The following SPTBN1 variants were observed in gnomAD, a reference collection of about 807,000 sequenced individuals.
SPTBN1 encodes spectrin beta, non-erythrocytic 1.
A neutral mutation model predicts 266.4 loss-of-function variants in SPTBN1; 32 were observed. The observed-to-expected ratio is 0.12, with a 90% CI of 0.09 to 0.16. The LOEUF (loss-of-function observed/expected upper bound fraction) is 0.16. Among genes scored for constraint, SPTBN1 ranks in the 10% least tolerant of loss-of-function variants. The probability of loss-of-function intolerance (pLI) is 1.00; values close to 1 mark genes in which losing one functional copy is unlikely to be tolerated. For synonymous variants in SPTBN1, 1,336 were observed against 1,162.2 expected, an observed-to-expected ratio of 1.15 and a Z score of -3.04; for missense variants, 2,296 against 3,067.1, an observed-to-expected ratio of 0.75 and a Z score of 5.94.
chr2:54,550,237 G>A (rs551471966), intron 2 of SPTBN1, among the ~76,000 whole-genome samples: 5 of 152,298 alleles, frequency 3.3e-5, no homozygotes, highest in Non-Finnish European at 5.9e-5. Context: ...AGGCCTTGGC[G>A]CTCCTGAGTG....
rs934288172 is a variant in SPTBN1 at position 54,664,138 on chromosome 2, T to C, written c.6421-315T>C. 4.2e-6 allele frequency: 1 copy of C among 238,592 alleles called. No individual in the cohort carries two copies. The highest frequency in any genetic ancestry group is 2.2e-5 in the African/African-American group (1 of 44,644). 14.8% of individuals were successfully genotyped at this position (238,592 alleles called of 1,614,324 possible). A position where few individuals can be genotyped will look rare whatever the true frequency, so the allele number is the denominator to read the frequency against. ...ATTTAATATGTGTGATTGTTACTGT[T>C]GTCTTTTTGTTTTAAAGTAACCATA... On this transcript the variant is annotated intron_variant, in intron 32 of 35. Transcript: ENST00000356805. This position sits in a 1 kb window ranked among gnomAD's most constrained non-coding sequence, Gnocchi z 5.6.
Position 54,649,546 on chromosome 2 carries a change from T to TTTCTTG in SPTBN1, c.5203-69_5203-68insTTCTTG. 1.9e-6 allele frequency: 3 copies of TTTCTTG among 1,556,314 alleles called. No individual in the cohort carries two copies. The highest frequency in any genetic ancestry group is 2.6e-6 in the Non-Finnish European group (3 of 1,148,188). ...TTAGAGGCAGTTTCTTTCCAAAGGGTATTCATGTGATCAAGAAATACAGAG... is the reference window on the plus strand; with the variant it reads ...TTAGAGGCAGTTTCTTTCCAAAGGGTTTCTTGATTCATGTGATCAAGAAATACAGAG... On this transcript the variant is annotated intron_variant, in intron 25 of 35. Transcript: ENST00000356805. The surrounding 1 kb of genome is among the most constrained non-coding windows in gnomAD (Gnocchi z 6.7).
chr2:54,501,453 G>A (rs1258748255), intron 1 of SPTBN1, among the ~76,000 whole-genome samples: 1 of 152,140 alleles, frequency 6.6e-6, no homozygotes, highest in Non-Finnish European at 1.5e-5. Context: ...CCCTTTTAGG[G>A]AACACTACAC....
chr2:54,667,109 C>T (rs78891575), intron 34 of SPTBN1, among the ~76,000 whole-genome samples: 3,443 of 152,296 alleles, frequency 0.023, 134 homozygotes, highest in African/African-American at 0.076. Flanking sequence ...CTCCCAGTGT[C>T]ACACTAATAG....
intron 2 of SPTBN1, among the ~76,000 whole-genome samples, chr2:54,577,156 G>A (rs866431215): frequency 2.1e-4 from 32 of 152,252 alleles, no homozygotes; most frequent in South Asian, 6.2e-4. Flanking sequence ...CACAGGTCCC[G>A]GGAATCAGGT....
At position 54,523,253 on chromosome 2, in the gene SPTBN1, A is replaced by G. The variant is rs78908089; in HGVS notation, c.-47-3119A>G. Among the ~76,000 whole-genome samples, 157 of 152,342 alleles carry G rather than the reference A, an allele frequency of 1.0e-3. 4 individuals carry two copies. In the East Asian group the frequency reaches 0.026, roughly 25 times the overall value. ...GTGTTTTTATGAAATCCCATAAATA[A>G]ATTGCTAACGTAGGTGTGAAAATTA... On this transcript the variant is annotated intron_variant, in intron 1 of 35. Coordinates refer to ENST00000356805, the MANE Select transcript of SPTBN1 (RefSeq NM_003128.3).
chr2:54,667,773 A>G (rs1433112196), intron 35 of SPTBN1, 127 bp downstream of exon 35: 3 of 809,130 alleles, frequency 3.7e-6, no homozygotes, highest in East Asian at 2.6e-5. Flanking sequence ...ACTGGGCTCC[A>G]GTCACCAGCA....
intron 1 of SPTBN1, among the ~76,000 whole-genome samples, chr2:54,480,661 T>G (rs1400579610): frequency 6.6e-6 from 1 of 152,212 alleles, no homozygotes; most frequent in East Asian, 1.9e-4. Context: ...ATCCATGTTG[T>G]CTACCCTCCA....
At chr2:54,487,677 A>G (rs924414886) in intron 1 of SPTBN1, among the ~76,000 whole-genome samples, 4 of 152,236 alleles carry the variant, frequency 2.6e-5, no homozygotes, top group Admixed American at 1.3e-4. Context: ...TAGTGTTACA[A>G]TAAATGAATA....
At chr2:54,607,226 C>G (rs1197407260) in intron 3 of SPTBN1, among the ~76,000 whole-genome samples, 1 of 152,138 alleles carries the variant, frequency 6.6e-6, no homozygotes, top group Admixed American at 6.5e-5. Flanking sequence ...TGAAAAATAA[C>G]AATACAGAAA....
chr2:54,502,047 A>C (rs1333699244), intron 1 of SPTBN1, among the ~76,000 whole-genome samples: 1 of 152,216 alleles, frequency 6.6e-6, no homozygotes, highest in Non-Finnish European at 1.5e-5. Context: ...TCACTCTCCA[A>C]ATGCTAAACT....
chr2:54,547,047 G>A (rs1343364200), intron 2 of SPTBN1, among the ~76,000 whole-genome samples: 1 of 149,016 alleles, frequency 6.7e-6, no homozygotes, highest in African/African-American at 2.5e-5. Context: ...TGTTCATATT[G>A]TTGTGCAGTC....
intron 1 of SPTBN1, among the ~76,000 whole-genome samples, chr2:54,505,851 G>A (rs949313079): frequency 3.9e-5 from 6 of 152,056 alleles, no homozygotes; most frequent in South Asian, 2.1e-4. Context: ...TGGGCCAGGC[G>A]CGGTGGCTCA....
At chr2:54,517,416 TACTC>T (rs919528658) in intron 1 of SPTBN1, among the ~76,000 whole-genome samples, 1 of 150,574 alleles carries the variant, frequency 6.6e-6, no homozygotes, top group African/African-American at 2.5e-5. Context: ...TCTTGTAACA[TACTC>T]AGGGAATGAG....
intron 2 of SPTBN1, among the ~76,000 whole-genome samples, chr2:54,594,679 T>A (rs889462322): frequency 1.3e-5 from 2 of 152,298 alleles, no homozygotes; most frequent in Non-Finnish European, 1.5e-5. Context: ...AACAACCTTC[T>A]GCCACACACA....
At position 54,581,911 on chromosome 2, in the gene SPTBN1, T is replaced by A. The variant is rs902260969; in HGVS notation, c.149-17181T>A. 7.2e-5 allele frequency among the ~76,000 whole-genome samples: 11 copies of A among 152,208 alleles called. No individual in the cohort carries two copies. The East Asian group carries it at 1.9e-3, about 27-fold the overall frequency. On this transcript the variant is annotated intron_variant, in intron 2 of 35. Coordinates refer to ENST00000356805, the MANE Select transcript of SPTBN1 (RefSeq NM_003128.3). ...GGCTCTACTTGCCTCCAAATCCTAC[T>A]GAAGAACTTTGCGAGACAACAGGCA...
intron 2 of SPTBN1, among the ~76,000 whole-genome samples, chr2:54,577,992 C>G (rs1674604912): frequency 1.3e-5 from 2 of 152,186 alleles, no homozygotes; most frequent in South Asian, 4.1e-4. Context: ...ATGTAAAATT[C>G]AAGCCTTGCC....
intron 2 of SPTBN1, among the ~76,000 whole-genome samples, chr2:54,579,639 T>C (rs555261199): frequency 1.6e-3 from 241 of 151,232 alleles, no homozygotes; most frequent in Middle Eastern, 3.4e-3. Flanking sequence ...TGGGAAGATA[T>C]ATTGCTGCAT....
rs949533000 is a variant in SPTBN1 at position 54,456,746 on chromosome 2, A to T, written c.-48+228A>T. Reference sequence around the variant, plus strand: ...GCGGGTGCTCATTGGTACTCGGATGATGCGGGACGAGGGGCGGCAGGCTCT... The same window carrying T: ...GCGGGTGCTCATTGGTACTCGGATGTTGCGGGACGAGGGGCGGCAGGCTCT... On this transcript the variant is annotated intron_variant, in intron 1 of 35. Coordinates refer to ENST00000356805, the MANE Select transcript of SPTBN1 (RefSeq NM_003128.3). 6.0e-5 allele frequency among the ~76,000 whole-genome samples: 9 copies of T among 149,948 alleles called. No individual in the cohort carries two copies. In the East Asian group the frequency reaches 1.8e-3, roughly 30 times the overall value.
Sources: allele counts gnomAD v4.1 joint callset (sites outside exome capture counted in the v4.1 genomes callset), GRCh38; gene constraint gnomAD v4.1.1; non-coding constraint Gnocchi (gnomAD v3.1); transcripts MANE v1.5; gene names NCBI Gene and HGNC (gene_info 2026-07-23, HGNC 2026-07-21).